IQCN: variants seen among roughly 807,000 people sequenced by gnomAD.
The protein encoded by IQCN is IQ domain-containing protein N.
In IQCN, 46 loss-of-function variants were observed where a neutral mutation model predicts 64.4. The observed-to-expected ratio is 0.71, with a 90% CI of 0.56 to 0.91. The LOEUF (loss-of-function observed/expected upper bound fraction) is 0.91. IQCN is among the 40% of genes least tolerant of loss of function. IQCN has a pLI of 0.00. For missense variants in IQCN, 1,753 were observed against 1,857.4 expected, an observed-to-expected ratio of 0.94 and a Z score of 1.03; for synonymous variants, 733 against 775.6, an observed-to-expected ratio of 0.95 and a Z score of 0.91.
rs746966070 is a variant in IQCN at position 18,266,913 on chromosome 19, G to A, written c.627C>T (p.Pro209=). 4 of 1,607,436 alleles carry A rather than the reference G, an allele frequency of 2.5e-6. No individual in the cohort carries two copies. The highest frequency in any genetic ancestry group is 1.1e-5 in the South Asian group (1 of 90,540). Residue 209 remains proline (P), a synonymous_variant, in exon 3 of 4, where the codon CCC becomes CCT. Coordinates refer to ENST00000392413, the MANE Select transcript of IQCN (RefSeq NM_001145304.2). The surrounding 1 kb of genome is among the most constrained non-coding windows in gnomAD (Gnocchi z 4.3). The part of the protein sequence containing the change: ...NLVLCRPQSS[P]LLQPPAAQGT... ...CCTGAGCTGCTGGGGGCTGCAGGAGGGGGGACGACTGGGGTCTGCAGAGGA... is the reference window on the plus strand; with the variant it reads ...CCTGAGCTGCTGGGGGCTGCAGGAGAGGGGACGACTGGGGTCTGCAGAGGA...
At position 18,258,012 on chromosome 19, in the gene IQCN, T is replaced by G. The variant is rs1969347943; in HGVS notation, c.3272A>C (p.Lys1091Thr). 3 of 1,612,546 alleles carry G rather than the reference T, an allele frequency of 1.9e-6. No individual in the cohort carries two copies. The highest frequency in any genetic ancestry group is 1.7e-5 in the Admixed American group (1 of 59,998). Residue 1091 changes from lysine (K) to threonine (T), a missense_variant, in exon 4 of 4, where the codon AAG becomes ACG. Coordinates refer to ENST00000392413, the MANE Select transcript of IQCN (RefSeq NM_001145304.2). ...GAASWDTWRN[K>T]AVVPPRRSGE... ...GGACCGCCTGGGAGGCACCACCGCC[T>G]TGTTGCGCCAGGTGTCCCAGGACGC...
rs1323814950 is a variant in IQCN at position 18,266,502 on chromosome 19, G to A, written c.1038C>T (p.Val346=). The part of the protein sequence containing the change: ...TKTLLQTYPV[V]SVTLPQTYPA... ...GATATGTCTGTGGCAGGGTCACGGA[G>A]ACCACTGGATATGTCTGGAGTAGAG... Residue 346 remains valine, a synonymous_variant, in exon 3 of 4, where the codon GTC becomes GTT. Transcript: ENST00000392413. The surrounding 1 kb of genome is among the most constrained non-coding windows in gnomAD (Gnocchi z 4.3). 6.2e-7 allele frequency: 1 copy of A among 1,602,444 alleles called. No individual in the cohort carries two copies. The highest frequency in any genetic ancestry group is 8.5e-7 in the Non-Finnish European group (1 of 1,173,464).
Position 18,257,798 on chromosome 19 carries a change from G to A in IQCN, c.3486C>T (p.Ala1162=), listed in dbSNP as rs138496842. ...VRRNLAHLCR[A]TTTIQSAWRG... is the part of the protein sequence containing the mutation. ...GCCAGGCAGACTGGATGGTCGTGGT[G>A]GCTCTGCAGAGGTGTGCCAGGTTCC... is the stretch of plus-strand genomic sequence containing the variant. The change falls in exon 4 of 4, where the codon GCC becomes GCT. Residue 1162 remains alanine, a synonymous_variant. Coordinates refer to ENST00000392413, the MANE Select transcript of IQCN (RefSeq NM_001145304.2). The A allele has an allele frequency of 3.2e-4, 516 of 1,611,058 alleles. 2 individuals carry two copies. The highest frequency in any genetic ancestry group is 1.0e-3 in the Middle Eastern group (6 of 6,024).
At position 18,266,369 on chromosome 19, in the gene IQCN, C is replaced by T. The variant is rs374925120; in HGVS notation, c.1171G>A (p.Ala391Thr). Reference protein sequence around the residue: ...MYPGPTVTKTAPHTCPMPTMT... With the variant: ...MYPGPTVTKTTPHTCPMPTMT... Reference sequence around the variant, plus strand: ...GTGGGCATGGGGCATGTGTGAGGTGCAGTTTTGGTCACTGTGGGCCCCGGA... The same window carrying T: ...GTGGGCATGGGGCATGTGTGAGGTGTAGTTTTGGTCACTGTGGGCCCCGGA... Residue 391 changes from alanine to threonine, a missense_variant, in exon 3 of 4, where the codon GCA (alanine) becomes ACA (threonine). Transcript: ENST00000392413. This position sits in a 1 kb window ranked among gnomAD's most constrained non-coding sequence, Gnocchi z 4.3. 6.2e-7 allele frequency: 1 copy of T among 1,607,086 alleles called. No homozygotes were observed. Among genetic ancestry groups the T allele is most frequent in the African/African-American group, 1.4e-5 (1 of 73,972 alleles).
rs1442730480 is a variant in IQCN, at chr19:18,266,559, G to A, written c.981C>T (p.Phe327=). 6.2e-7 allele frequency: 1 copy of A among 1,613,446 alleles called. No homozygotes were observed. Among genetic ancestry groups the A allele is most frequent in the Non-Finnish European group, 8.5e-7 (1 of 1,179,620 alleles). The change falls in exon 3 of 4, where the codon TTC becomes TTT. Residue 327 remains phenylalanine (F), a synonymous_variant. Coordinates refer to ENST00000392413, the MANE Select transcript of IQCN (RefSeq NM_001145304.2). The surrounding 1 kb of genome is among the most constrained non-coding windows in gnomAD (Gnocchi z 4.3). The stretch of plus-strand genomic sequence containing the variant: ...TGATCATGGGCCCTGGACATATCTG[G>A]AAGGGGGCTTTGGGGGTCTCTGCTT... ...PVKAETPKAP[F]QICPGPMITK... is the part of the protein sequence containing the mutation.
chr19:18,264,766 G>T lies in IQCN; in HGVS notation c.2774C>A (p.Thr925Asn). The T allele has an allele frequency of 7.1e-6, 11 of 1,551,230 alleles. No homozygotes were observed. Among genetic ancestry groups the T allele is most frequent in the Non-Finnish European group, 9.6e-6 (11 of 1,146,942 alleles). Residue 925 changes from threonine (T) to asparagine (N), a missense_variant, in exon 3 of 4, where the codon ACC (threonine) becomes AAC (asparagine). Transcript: ENST00000392413. This position sits in a 1 kb window ranked among gnomAD's most constrained non-coding sequence, Gnocchi z 4.3. ...LSKEVLGATV[T>N]KALPQSMLSM... ...CAGCATGCTCTGGGGCAGGGCTTTG[G>T]TGACAGTGGCACCCAGGACCTCCTT...
At chr19:18,268,600 G>A (rs1363267777) in intron 2 of IQCN, among the ~76,000 whole-genome samples, 1 of 151,834 alleles carries the variant, frequency 6.6e-6, no homozygotes, top group Admixed American at 6.6e-5. Flanking sequence ...GGCCAAGGTG[G>A]GCAGATTGCT....
Position 18,266,679 on chromosome 19 carries a change from C to G in IQCN, c.861G>C (p.Arg287=), listed in dbSNP as rs1302144759. The part of the protein sequence containing the change: ...DSVKTKRVSA[R]TNKARAPETP... ...TCTCCGGAGCCCTGGCTTTGTTGGT[C>G]CGGGCACTTACACGTTTGGTCTTCA... The change falls in exon 3 of 4, where the codon CGG becomes CGC. Residue 287 remains arginine (R), a synonymous_variant. Transcript: ENST00000392413. This position sits in a 1 kb window ranked among gnomAD's most constrained non-coding sequence, Gnocchi z 4.3. 2 of 1,614,086 alleles carry G rather than the reference C, an allele frequency of 1.2e-6. No individual in the cohort carries two copies. The highest frequency in any genetic ancestry group is 1.7e-6 in the Non-Finnish European group (2 of 1,180,022).
chr19:18,264,936 G>A lies in IQCN; in HGVS notation c.2604C>T (p.Cys868=), dbSNP rs1346216475. The stretch of plus-strand genomic sequence containing the variant: ...GCAGGGAGCCTACCGTGTCCTCCTG[G>A]CAGGGCACCGCCTGGCCGGGCATTG... The part of the protein sequence containing the change: ...QPSMPGQAVP[C]QEDTVGSLLA... Residue 868 remains cysteine, a synonymous_variant, in exon 3 of 4, where the codon TGC becomes TGT. Transcript: ENST00000392413. This position sits in a 1 kb window ranked among gnomAD's most constrained non-coding sequence, Gnocchi z 4.3. The A allele has an allele frequency of 6.2e-7, 1 of 1,612,418 alleles. No individual in the cohort carries two copies. Among genetic ancestry groups the A allele is most frequent in the East Asian group, 2.2e-5 (1 of 44,892 alleles).
In IQCN at chr19:18,264,410, C is replaced by A; in HGVS notation, c.3130G>T (p.Ala1044Ser). 6.5e-7 allele frequency: 1 copy of A among 1,537,522 alleles called. No individual in the cohort carries two copies. The highest frequency in any genetic ancestry group is 8.8e-7 in the Non-Finnish European group (1 of 1,139,740). Residue 1044 changes from alanine (A) to serine (S), a missense_variant, in exon 3 of 4, where the codon GCC becomes TCC. Ala to Ser is a moderately conservative substitution (Grantham distance 99). Coordinates refer to ENST00000392413, the MANE Select transcript of IQCN (RefSeq NM_001145304.2). This position sits in a 1 kb window ranked among gnomAD's most constrained non-coding sequence, Gnocchi z 4.3. ...GGGCCCAGGGAGGGCCCCCATGCGG[C>A]CGATGGACTCCTCCTGCAGGCCACC... ...VKVACRRSPS[A>S]AWGPSLGPVR...
rs1175682248 is a variant in IQCN at position 18,264,715 on chromosome 19, G to A, written c.2825C>T (p.Ser942Phe). The A allele has an allele frequency of 6.4e-7, 1 of 1,551,166 alleles. No individual in the cohort carries two copies. Among genetic ancestry groups the A allele is most frequent in the South Asian group, 1.2e-5 (1 of 84,064 alleles). ...CAGGGTCAGGCGCAGCTCACTCCAG[G>A]ACAGCGCCTTCACCAGCGCCATGCT... ...MLSMALVKAL[S>F]WSELRLTLSR... Residue 942 changes from serine (S) to phenylalanine (F), a missense_variant, in exon 3 of 4, where the codon TCC (serine) becomes TTC (phenylalanine). Physicochemically the swap from Ser to Phe is radical, Grantham distance 155 (BLOSUM62 -2). Coordinates refer to ENST00000392413, the MANE Select transcript of IQCN (RefSeq NM_001145304.2). The surrounding 1 kb of genome is among the most constrained non-coding windows in gnomAD (Gnocchi z 4.3).
At chr19:18,268,734 T>A (rs939909842) in intron 2 of IQCN, among the ~76,000 whole-genome samples, 2 of 151,024 alleles carry the variant, frequency 1.3e-5, no homozygotes, top group Non-Finnish European at 2.9e-5. Flanking sequence ...GAGGCCGAGG[T>A]GAGCGGATCA....
At chr19:18,271,171 C>CAAAAA (rs1278569737) in intron 1 of IQCN, among the ~76,000 whole-genome samples, 3,717 of 82,196 alleles carry the variant, frequency 0.045, 218 homozygotes, top group African/African-American at 0.15. Flanking sequence ...GACTCTGTCT[C>CAAAAA]AAAAAAAAAA....
intron 1 of IQCN, 26 bp downstream of exon 1, chr19:18,274,377 C>T (rs1969807076): frequency 6.6e-6 from 1 of 152,262 alleles, no homozygotes; most frequent in Non-Finnish European, 1.5e-5. Flanking sequence ...CACTCACCCG[C>T]CCCCAAAGCC....
At chr19:18,261,695 C>A in intron 3 of IQCN, 1 of 154,482 alleles carries the variant, frequency 6.5e-6, no homozygotes, top group Non-Finnish European at 1.4e-5. Context: ...GGCTTGGAGA[C>A]TCCCCAGTGA....
chr19:18,258,063 C>T lies in IQCN; in HGVS notation c.3221G>A (p.Arg1074His), dbSNP rs141048177. 4.1e-3 allele frequency: 6,566 copies of T among 1,612,372 alleles called. 28 individuals carry two copies. The highest frequency in any genetic ancestry group is 0.027 in the Middle Eastern group (164 of 6,062). The change falls in exon 4 of 4, where the codon CGC becomes CAC. Residue 1074 changes from arginine (R) to histidine (H), a missense_variant. Coordinates refer to ENST00000392413, the MANE Select transcript of IQCN (RefSeq NM_001145304.2). ...AGVVGGQSWNRAWEPARGAAS... is the reference protein window; with the variant it reads ...AGVVGGQSWNHAWEPARGAAS... ...AGCACCCCTGGCTGGCTCCCATGCG[C>T]GGTTCCACGATTGGCCACCAACCAC...
chr19:18,270,051 TAAAAAAAAAAA>T (rs60981546), intron 1 of IQCN, among the ~76,000 whole-genome samples: 16 of 75,860 alleles, frequency 2.1e-4, no homozygotes, highest in African/African-American at 7.5e-4. Flanking sequence ...AACTGTCTCT[TAAAAAAAAAAA>T]AAAAAAAAAA....
rs138766115 is a variant in IQCN, at chr19:18,266,841, C to T, written c.699G>A (p.Arg233=). 6.8e-6 allele frequency: 11 copies of T among 1,613,910 alleles called. No individual in the cohort carries two copies. Among genetic ancestry groups the T allele is most frequent in the Non-Finnish European group, 8.5e-6 (10 of 1,179,956 alleles). Residue 233 remains arginine (R), a synonymous_variant, in exon 3 of 4, where the codon CGG becomes CGA. Transcript: ENST00000392413. The surrounding 1 kb of genome is among the most constrained non-coding windows in gnomAD (Gnocchi z 4.3). The part of the protein sequence containing the change: ...CVQGPHAARV[R]GLAFLPHQTV... ...TCTGGTGTGGCAGGAAGGCCAGCCC[C>T]CGGACTCTGGCAGCATGAGGACCCT... is the stretch of plus-strand genomic sequence containing the variant.
intron 3 of IQCN, among the ~76,000 whole-genome samples, chr19:18,262,790 C>T (rs1225476646): frequency 2.0e-5 from 3 of 152,132 alleles, no homozygotes; most frequent in Non-Finnish European, 4.4e-5. Context: ...TTGGGGCTAC[C>T]CTACTGGCCA....
Sources: allele counts gnomAD v4.1 joint callset (sites outside exome capture counted in the v4.1 genomes callset), GRCh38; gene constraint gnomAD v4.1.1; non-coding constraint Gnocchi (gnomAD v3.1); transcripts MANE v1.5; gene names NCBI Gene and HGNC (gene_info 2026-07-23, HGNC 2026-07-21).